The following SYN2 variants were observed in gnomAD, a reference collection of about 807,000 sequenced individuals.
The protein encoded by SYN2 is synapsin II, also known as synapsin-2.
Under a neutral mutation model 50.9 loss-of-function variants are expected in SYN2, and 19 were observed. The observed-to-expected ratio is 0.37, with a 90% CI of 0.26 to 0.55. SYN2 has a LOEUF of 0.55. SYN2 is among the 20% of genes least tolerant of loss of function. SYN2 has a pLI of 0.81. For missense variants in SYN2, 587 were observed against 576.4 expected, an observed-to-expected ratio of 1.02 and a Z score of -0.19; for synonymous variants, 255 against 224.9, an observed-to-expected ratio of 1.13 and a Z score of -1.20.
At chr3:12,075,092 T>G (rs1695439701) in intron 1 of SYN2, among the ~76,000 whole-genome samples, 1 of 151,046 alleles carries the variant, frequency 6.6e-6, no homozygotes, top group Non-Finnish European at 1.5e-5. Flanking sequence ...GTCATTAATC[T>G]ATTCTCCTTA....
intron 1 of SYN2, among the ~76,000 whole-genome samples, chr3:12,059,254 A>ATTTC (rs1463623853): frequency 3.3e-5 from 5 of 152,230 alleles, no homozygotes; most frequent in African/African-American, 7.2e-5. Context: ...GCAGAAGTAC[A>ATTTC]AGGAAAATCA....
chr3:12,093,802 C>T (rs1317302411), intron 1 of SYN2, among the ~76,000 whole-genome samples: 1 of 152,082 alleles, frequency 6.6e-6, no homozygotes, highest in African/African-American at 2.4e-5. Context: ...ACATCTCTAT[C>T]CCCTGACTGC....
chr3:12,032,040 A>G (rs957693219), intron 1 of SYN2, among the ~76,000 whole-genome samples: 2 of 134,918 alleles, frequency 1.5e-5, no homozygotes, highest in African/African-American at 5.1e-5. Flanking sequence ...TTCCATGTTT[A>G]GCGCTTCCTT....
chr3:12,072,740 G>T (rs1244983082), intron 1 of SYN2, among the ~76,000 whole-genome samples: 1 of 151,904 alleles, frequency 6.6e-6, no homozygotes, highest in Non-Finnish European at 1.5e-5. Flanking sequence ...TCTATCATGG[G>T]TCCATTATCT....
intron 10 of SYN2, 25 bp from the exon 11 acceptor site, chr3:12,183,287 T>TA (rs1698263751): frequency 6.3e-7 from 1 of 1,591,644 alleles, no homozygotes; most frequent in African/African-American, 1.4e-5. Flanking sequence ...GTTTTGTTTT[T>TA]ATCTCTTACA....
intron 1 of SYN2, among the ~76,000 whole-genome samples, chr3:12,063,845 G>A (rs1315991639): frequency 1.3e-5 from 2 of 151,718 alleles, no homozygotes; most frequent in African/African-American, 4.8e-5. Context: ...AAAGGGAGAA[G>A]AGGAAAAAAA....
At chr3:12,145,513 G>A (rs1232062344) in intron 3 of SYN2, among the ~76,000 whole-genome samples, 166 bp from the exon 4 acceptor site, 1 of 152,240 alleles carries the variant, frequency 6.6e-6, no homozygotes, top group East Asian at 1.9e-4. Flanking sequence ...TTCAGCCTGG[G>A]CAACAGAGTA....
chr3:12,182,883 C>T (rs969975558), intron 10 of SYN2, among the ~76,000 whole-genome samples: 26 of 152,272 alleles, frequency 1.7e-4, no homozygotes, highest in African/African-American at 6.3e-4. Flanking sequence ...TATAGTCCAA[C>T]CCTGTCTCTG....
chr3:12,010,650 T>C (rs1208847559), intron 1 of SYN2, among the ~76,000 whole-genome samples: 1 of 152,236 alleles, frequency 6.6e-6, no homozygotes, highest in African/African-American at 2.4e-5. Flanking sequence ...TGAAATATAT[T>C]CTCCAAGATC....
In SYN2 at chr3:12,138,014, A is replaced by G. The variant is rs62240438; in HGVS notation, c.378-2637A>G. On this transcript the variant is annotated intron_variant, in intron 1 of 12. Coordinates refer to ENST00000621198, the MANE Select transcript of SYN2 (RefSeq NM_133625.6). ...GCTAGAATTCACACCCCAGATTGTG[A>G]TTCCAGAGCCCATCCTCTGGATTCT... is the stretch of plus-strand genomic sequence containing the variant. Among the ~76,000 whole-genome samples the G allele has an allele frequency of 3.5e-3, 539 of 152,330 alleles. 2 individuals carry two copies. Among genetic ancestry groups the G allele is most frequent in the Admixed American group, 0.011 (167 of 15,296 alleles).
At chr3:12,100,758 C>T (rs1380732753) in intron 1 of SYN2, among the ~76,000 whole-genome samples, 1 of 151,584 alleles carries the variant, frequency 6.6e-6, no homozygotes, top group Non-Finnish European at 1.5e-5. Context: ...ATATAAAGAG[C>T]TCTTATAACT....
intron 1 of SYN2, among the ~76,000 whole-genome samples, chr3:12,115,280 T>C (rs1696407893): frequency 6.6e-6 from 1 of 152,174 alleles, no homozygotes; most frequent in Non-Finnish European, 1.5e-5. Context: ...CCTAAAGGAA[T>C]GCATGGTGGA....
At chr3:12,012,856 G>T (rs1270399198) in intron 1 of SYN2, among the ~76,000 whole-genome samples, 1 of 152,020 alleles carries the variant, frequency 6.6e-6, no homozygotes, top group African/African-American at 2.4e-5. Context: ...CTCCATTCTT[G>T]TAAATAAAGT....
intron 1 of SYN2, among the ~76,000 whole-genome samples, chr3:12,036,450 C>T (rs1694500610): frequency 6.6e-6 from 1 of 152,120 alleles, no homozygotes; most frequent in Non-Finnish European, 1.5e-5. Flanking sequence ...CCATTTATGC[C>T]CTATGGAGCT....
intron 4 of SYN2, among the ~76,000 whole-genome samples, chr3:12,148,095 C>A (rs532862746): frequency 6.6e-6 from 1 of 151,864 alleles, no homozygotes; most frequent in South Asian, 2.1e-4. Flanking sequence ...GCCTGGGCGA[C>A]AGAGCGAGAC....
chr3:12,127,357 A>G (rs1369642748), intron 1 of SYN2, among the ~76,000 whole-genome samples: 2 of 152,196 alleles, frequency 1.3e-5, no homozygotes, highest in Admixed American at 1.3e-4. Flanking sequence ...CAAAAAGGAC[A>G]TTGTATTGAG....
intron 1 of SYN2, among the ~76,000 whole-genome samples, chr3:12,065,988 G>A (rs1695209921): frequency 6.6e-6 from 1 of 152,140 alleles, no homozygotes; most frequent in Non-Finnish European, 1.5e-5. Flanking sequence ...CTACAAGTGG[G>A]GATGAGGCAT....
At chr3:12,034,812 C>T (rs1468881225) in intron 1 of SYN2, among the ~76,000 whole-genome samples, 1 of 152,188 alleles carries the variant, frequency 6.6e-6, no homozygotes, top group Non-Finnish European at 1.5e-5. Context: ...GGGAGACACA[C>T]TCAAACCACA....
chr3:12,147,262 C>A (rs1277493921), intron 4 of SYN2, among the ~76,000 whole-genome samples: 2 of 151,878 alleles, frequency 1.3e-5, no homozygotes, highest in Non-Finnish European at 2.9e-5. Flanking sequence ...TGATCTTGAT[C>A]TTTTTTTTCA....
Sources: allele counts gnomAD v4.1 joint callset (sites outside exome capture counted in the v4.1 genomes callset), GRCh38; gene constraint gnomAD v4.1.1; transcripts MANE v1.5; gene names NCBI Gene and HGNC (gene_info 2026-07-23, HGNC 2026-07-21).